SLIT3: variants seen among roughly 807,000 people sequenced by gnomAD.
The protein encoded by SLIT3 is slit guidance ligand 3.
SLIT3 carries 68 observed loss-of-function variants against 184.0 expected under a neutral mutation model. The ratio of observed to expected loss-of-function variants is 0.37; its 90% CI spans 0.30 to 0.45. The LOEUF (loss-of-function observed/expected upper bound fraction) is 0.45, where lower values mean the gene tolerates loss of function less well. SLIT3 is among the 20% of genes least tolerant of loss of function. The pLI, the probability that SLIT3 is intolerant of heterozygous loss-of-function variation, is 1.00. For synonymous variants in SLIT3, 831 were observed against 828.6 expected (o/e 1.00, Z -0.05); for missense variants, 1,707 against 2,026.0 (o/e 0.84, Z 3.02).
intron 4 of SLIT3, among the ~76,000 whole-genome samples, chr5:168,969,806 G>C (rs1754500673): frequency 1.3e-5 from 2 of 152,192 alleles, no homozygotes; most frequent in African/African-American, 4.8e-5. Flanking sequence ...TCACTTTGGG[G>C]CTCTCAAAAC....
At chr5:169,078,751 G>A (rs1758847264) in intron 4 of SLIT3, among the ~76,000 whole-genome samples, 1 of 152,186 alleles carries the variant, frequency 6.6e-6, no homozygotes, top group South Asian at 2.1e-4. Flanking sequence ...TAGGTGATAT[G>A]TATTCATTCC....
At chr5:168,743,729 C>T (rs13153039) in intron 20 of SLIT3, among the ~76,000 whole-genome samples, 29 of 152,218 alleles carry the variant, frequency 1.9e-4, no homozygotes, top group Admixed American at 3.9e-4. Flanking sequence ...GACCAAATAG[C>T]CAAATTGTGA....
intron 4 of SLIT3, among the ~76,000 whole-genome samples, chr5:169,049,831 G>T (rs1757756274): frequency 6.6e-6 from 1 of 152,222 alleles, no homozygotes; most frequent in Non-Finnish European, 1.5e-5. Context: ...GAGTTCTGTA[G>T]TTCCCAGGGT....
chr5:169,026,550 G>A (rs1180919931), intron 4 of SLIT3: 1 of 152,020 alleles, frequency 6.6e-6, no homozygotes, highest in Non-Finnish European at 1.5e-5. Context: ...AAGATCTAGA[G>A]TTATTGATAT....
intron 1 of SLIT3, among the ~76,000 whole-genome samples, chr5:169,274,238 C>T (rs1766727199): frequency 6.6e-6 from 1 of 152,096 alleles, no homozygotes; most frequent in South Asian, 2.1e-4. Flanking sequence ...TCTAGAAGAC[C>T]GATTTATGCT....
intron 4 of SLIT3, among the ~76,000 whole-genome samples, chr5:169,097,253 C>T (rs1759823857): frequency 6.6e-6 from 1 of 152,162 alleles, no homozygotes; most frequent in Non-Finnish European, 1.5e-5. Flanking sequence ...CCTCTCTCTG[C>T]CTAGAAATCC....
intron 4 of SLIT3, among the ~76,000 whole-genome samples, chr5:169,049,147 G>A (rs994406991): frequency 6.6e-6 from 1 of 152,184 alleles, no homozygotes; most frequent in Non-Finnish European, 1.5e-5. Context: ...CTTTTTGGGG[G>A]CAAATACAAA....
At chr5:169,177,875 A>C (rs887093096) in intron 4 of SLIT3, among the ~76,000 whole-genome samples, 1 of 152,170 alleles carries the variant, frequency 6.6e-6, no homozygotes, top group African/African-American at 2.4e-5. Flanking sequence ...CCACTCTCCC[A>C]ACAGCAGGAT....
chr5:169,217,521 C>T (rs1764479658), intron 3 of SLIT3, among the ~76,000 whole-genome samples: 2 of 152,256 alleles, frequency 1.3e-5, no homozygotes, highest in South Asian at 4.1e-4. Context: ...ACCATTGCCA[C>T]AAACACTCTA....
At chr5:169,187,064 A>AT (rs148341360) in intron 4 of SLIT3, among the ~76,000 whole-genome samples, 10,145 of 149,686 alleles carry the variant, frequency 0.068, 403 homozygotes, top group Non-Finnish European at 0.081. Context: ...TGGAGAATAA[A>AT]TAAGTCCTCC....
chr5:168,955,938 A>G (rs1446405553), intron 4 of SLIT3, among the ~76,000 whole-genome samples: 1 of 152,184 alleles, frequency 6.6e-6, no homozygotes, highest in African/African-American at 2.4e-5. Context: ...ATGGTCTTCC[A>G]GTGCTAAAAG....
intron 4 of SLIT3, among the ~76,000 whole-genome samples, chr5:168,915,983 T>C (rs1163469299): frequency 2.0e-5 from 3 of 152,268 alleles, no homozygotes; most frequent in Non-Finnish European, 4.4e-5. Context: ...TTTCTTATGA[T>C]ACTTTAAGTT....
At chr5:168,880,754 T>C (rs1047957631) in intron 5 of SLIT3, among the ~76,000 whole-genome samples, 1 of 152,216 alleles carries the variant, frequency 6.6e-6, no homozygotes, top group Non-Finnish European at 1.5e-5. Context: ...CACATGGAAT[T>C]CATACATACT....
chr5:169,227,381 C>G (rs1244275786), intron 3 of SLIT3, among the ~76,000 whole-genome samples: 1 of 152,178 alleles, frequency 6.6e-6, no homozygotes, highest in Non-Finnish European at 1.5e-5. Context: ...TTAGTCCTCT[C>G]AACAACTCAG....
At position 169,194,897 on chromosome 5, in the gene SLIT3, G is replaced by A. The variant is rs377297777; in HGVS notation, c.342-1347C>T. Among the ~76,000 whole-genome samples, 75 of 152,306 alleles carry A rather than the reference G, an allele frequency of 4.9e-4. 1 individual carries two copies. In the South Asian group the frequency reaches 0.015, roughly 31 times the overall value. On this transcript the variant is annotated intron_variant, in intron 3 of 35. Transcript: ENST00000519560. The stretch of plus-strand genomic sequence containing the variant: ...CTTTCTTCGGAGCACTGGGCCAAGA[G>A]AGACGCCCTGCTGCATGCTAGCCCC...
In SLIT3 at chr5:168,685,677, CGGGACACACCTGCA is replaced by C; in HGVS notation, c.3551_3555+9del. On this transcript the variant is annotated splice_donor_variant and splice_donor_5th_base_variant and coding_sequence_variant and intron_variant, in exon 31 of 36. Coordinates refer to ENST00000519560, the MANE Select transcript of SLIT3 (RefSeq NM_003062.4). LOFTEE classifies it high-confidence loss of function. ...AGGTCCTTCCAAGGGCAGGGCAGGG[CGGGACACACCTGCA>C]GGGAGATGTTGGCCTGGGGTCGGAC... The C allele has an allele frequency of 6.5e-7, 1 of 1,540,034 alleles. No homozygotes were observed. Among genetic ancestry groups the C allele is most frequent in the Non-Finnish European group, 8.8e-7 (1 of 1,139,328 alleles).
intron 5 of SLIT3, among the ~76,000 whole-genome samples, chr5:168,846,021 G>A (rs1758449545): frequency 6.6e-6 from 1 of 152,234 alleles, no homozygotes; most frequent in South Asian, 2.1e-4. Context: ...CTCTTCCAGG[G>A]CTTTATTTTC....
intron 4 of SLIT3, among the ~76,000 whole-genome samples, chr5:168,961,489 T>C (rs1763006234): frequency 6.6e-6 from 1 of 152,176 alleles, no homozygotes; most frequent in African/African-American, 2.4e-5. Context: ...ACATTAATAA[T>C]ACAAGCAAAT....
intron 8 of SLIT3, among the ~76,000 whole-genome samples, chr5:168,808,952 T>C (rs1448833679): frequency 1.3e-5 from 2 of 152,164 alleles, no homozygotes; most frequent in African/African-American, 4.8e-5. Context: ...TTGGGACACC[T>C]TCCTGTTTGG....
Sources: allele counts gnomAD v4.1 joint callset (sites outside exome capture counted in the v4.1 genomes callset), GRCh38; gene constraint gnomAD v4.1.1; transcripts MANE v1.5; gene names NCBI Gene and HGNC (gene_info 2026-07-23, HGNC 2026-07-21).